The following DGLUCY variants were observed in gnomAD, a reference collection of about 807,000 sequenced individuals.
DGLUCY encodes D-glutamate cyclase.
Under a neutral mutation model 58.5 loss-of-function variants are expected in DGLUCY, and 58 were observed. The ratio of observed to expected loss-of-function variants is 0.99; its 90% CI spans 0.80 to 1.23. DGLUCY has a LOEUF of 1.23. Among genes scored for constraint, DGLUCY ranks in the 50% most tolerant of loss-of-function variants. The pLI, the probability that DGLUCY is intolerant of heterozygous loss-of-function variation, is 0.00. For missense variants in DGLUCY, 779 were observed against 784.7 expected (o/e 0.99, Z 0.09); for synonymous variants, 325 against 314.1 (o/e 1.03, Z -0.37).
intron 8 of DGLUCY, among the ~76,000 whole-genome samples, chr14:91,184,007 C>T (rs1243915445): frequency 2.6e-5 from 4 of 151,758 alleles, no homozygotes; most frequent in Non-Finnish European, 4.4e-5. Flanking sequence ...TCCCCACCGG[C>T]CCACCTGACT....
chr14:91,173,643 G>A, intron 6 of DGLUCY: 1 of 635,270 alleles, frequency 1.6e-6, no homozygotes, highest in Non-Finnish European at 2.5e-6. Flanking sequence ...AGCTCCCATG[G>A]CTTGTCTTTG....
At chr14:91,092,972 T>C (rs538662411) in intron 1 of DGLUCY, among the ~76,000 whole-genome samples, 1 of 151,580 alleles carries the variant, frequency 6.6e-6, no homozygotes, top group South Asian at 2.1e-4. Flanking sequence ...TGGTCCCAGC[T>C]ACTCGGGAGG....
intron 1 of DGLUCY, chr14:91,060,857 G>A (rs1039458076): frequency 6.4e-6 from 1 of 155,576 alleles, no homozygotes; most frequent in African/African-American, 2.4e-5. Flanking sequence ...GGCAGGAGAG[G>A]GAGGAGCGCC....
At chr14:91,210,551 AT>A (rs914251361) in intron 12 of DGLUCY, among the ~76,000 whole-genome samples, 4 of 152,100 alleles carry the variant, frequency 2.6e-5, no homozygotes, top group Non-Finnish European at 1.5e-5. Flanking sequence ...AAATAAAATA[AT>A]TTTTTAATAA....
intron 1 of DGLUCY, among the ~76,000 whole-genome samples, chr14:91,102,391 C>T (rs1174601071): frequency 6.6e-6 from 1 of 151,916 alleles, no homozygotes; most frequent in Non-Finnish European, 1.5e-5. Context: ...AGTGAACTTC[C>T]CTCATTTTAA....
chr14:91,176,598 G>A (rs184909902), intron 7 of DGLUCY, among the ~76,000 whole-genome samples: 39 of 152,098 alleles, frequency 2.6e-4, no homozygotes, highest in African/African-American at 8.4e-4. Context: ...TTTTTTTGTC[G>A]TTGGTTTTTT....
chr14:91,149,214 C>T (rs1427178985), intron 1 of DGLUCY, among the ~76,000 whole-genome samples: 1 of 151,290 alleles, frequency 6.6e-6, no homozygotes, highest in Admixed American at 6.6e-5. Flanking sequence ...GCCATTGCAC[C>T]CCAGCCTGGG....
At chr14:91,218,475 T>C (rs1886934450) in intron 13 of DGLUCY, among the ~76,000 whole-genome samples, 1 of 151,450 alleles carries the variant, frequency 6.6e-6, no homozygotes, top group South Asian at 2.1e-4. Context: ...AAATCTCAGC[T>C]CACTGCAACC....
At chr14:91,115,394 G>T (rs1442190525) in intron 1 of DGLUCY, among the ~76,000 whole-genome samples, 1 of 152,084 alleles carries the variant, frequency 6.6e-6, no homozygotes. Flanking sequence ...CTAAACTGTG[G>T]CTTGTACATA....
intron 1 of DGLUCY, among the ~76,000 whole-genome samples, chr14:91,102,128 C>T (rs985058024): frequency 1.3e-5 from 2 of 151,790 alleles, no homozygotes; most frequent in Admixed American, 1.3e-4. Flanking sequence ...ATCACATATG[C>T]CTCGAAAATA....
intron 1 of DGLUCY, among the ~76,000 whole-genome samples, chr14:91,138,748 G>A (rs776505042): frequency 1.3e-5 from 2 of 152,072 alleles, no homozygotes; most frequent in African/African-American, 4.8e-5. Flanking sequence ...TACCCCCATG[G>A]CCCAGTCATC....
In DGLUCY at chr14:91,200,012, T is replaced by A. The variant is rs1439278651; in HGVS notation, c.1444+107T>A. On this transcript the variant is annotated intron_variant, in intron 11 of 13. Transcript: ENST00000256324. ...CTCTGTCACCCAGGCTGGAGTGCAG[T>A]GGCACGATCTTGGCTCACTGCAACC... The A allele has an allele frequency of 6.3e-6, 9 of 1,433,266 alleles. No homozygotes were observed. In the Admixed American group the frequency reaches 1.6e-4, roughly 26 times the overall value. The allele number at this position is 1,433,266 out of a possible 1,614,324, so 88.8% of individuals were successfully genotyped here. A position where few individuals can be genotyped will look rare whatever the true frequency, so the allele number is the denominator to read the frequency against.
At chr14:91,124,249 C>T (rs931134583) in intron 1 of DGLUCY, among the ~76,000 whole-genome samples, 2 of 152,142 alleles carry the variant, frequency 1.3e-5, no homozygotes, top group African/African-American at 2.4e-5. Context: ...TTAAAAGCAG[C>T]AGACCCAGCT....
chr14:91,075,085 A>G (rs1038278514), intron 1 of DGLUCY, among the ~76,000 whole-genome samples: 6 of 151,892 alleles, frequency 4.0e-5, no homozygotes, highest in Admixed American at 6.6e-5. Context: ...AAAAAAAAAA[A>G]AAAGAAGAAT....
At chr14:91,191,510 A>T (rs76742609) in intron 9 of DGLUCY, among the ~76,000 whole-genome samples, 1,603 of 152,230 alleles carry the variant, frequency 0.011, 36 homozygotes, top group African/African-American at 0.037. Flanking sequence ...TCCTGGTGGA[A>T]CTGACGCCCC....
At chr14:91,202,614 G>A (rs541195679) in intron 11 of DGLUCY, among the ~76,000 whole-genome samples, 24 of 152,258 alleles carry the variant, frequency 1.6e-4, no homozygotes, top group African/African-American at 5.8e-4. Context: ...CCTCCGGCTG[G>A]GCAGGCAGAG....
chr14:91,104,905 A>G (rs556307775), upstream of DGLUCY, among the ~76,000 whole-genome samples: 12 of 152,356 alleles, frequency 7.9e-5, no homozygotes, highest in South Asian at 6.2e-4. Context: ...TGGGGGTATA[A>G]CAGCACTTAC....
At chr14:91,113,399 AGTCCT>A (rs1303496069), upstream of DGLUCY, among the ~76,000 whole-genome samples, 5 of 152,204 alleles carry the variant, frequency 3.3e-5, no homozygotes, top group African/African-American at 1.2e-4. Context: ...TCCAAAGGTA[AGTCCT>A]GATGGCTTTG....
At chr14:91,144,767 A>T (rs748116226) in intron 1 of DGLUCY, among the ~76,000 whole-genome samples, 5 of 152,204 alleles carry the variant, frequency 3.3e-5, no homozygotes, top group Non-Finnish European at 4.4e-5. Flanking sequence ...AGATCACAAC[A>T]GGAAAGTTGC....
Sources: allele counts gnomAD v4.1 joint callset (sites outside exome capture counted in the v4.1 genomes callset), GRCh38; gene constraint gnomAD v4.1.1; transcripts MANE v1.5; gene names NCBI Gene and HGNC (gene_info 2026-07-23, HGNC 2026-07-21).